The following PYCR1 variants were observed in gnomAD, a reference collection of about 807,000 sequenced individuals.
PYCR1 encodes pyrroline-5-carboxylate reductase 1, mitochondrial.
A neutral mutation model predicts 22.9 loss-of-function variants in PYCR1; 19 were observed. The observed-to-expected ratio is 0.83, with a 90% CI of 0.58 to 1.22. The LOEUF (loss-of-function observed/expected upper bound fraction) is 1.22. PYCR1 is among the 50% of genes most tolerant of loss of function. The probability of loss-of-function intolerance (pLI) is 0.00; values close to 1 mark genes in which losing one functional copy is unlikely to be tolerated. For missense variants in PYCR1, 429 were observed against 431.3 expected, an observed-to-expected ratio of 0.99 and a Z score of 0.05; for synonymous variants, 175 against 180.5, an observed-to-expected ratio of 0.97 and a Z score of 0.24.
chr17:81,936,635 C>T (rs2041203088), intron 1 of PYCR1, 113 bp downstream of exon 1: 3 of 1,210,978 alleles, frequency 2.5e-6, no homozygotes, highest in Middle Eastern at 2.4e-4. Context: ...TGCCAGTTCC[C>T]GCAGGACTCA....
intron 2 of PYCR1, 135 bp downstream of exon 2, chr17:81,935,988 G>T: frequency 1.1e-6 from 1 of 909,064 alleles, no homozygotes; most frequent in South Asian, 1.4e-5. Flanking sequence ...TCAGCAGGGC[G>T]AGGAGGTGGG....
At chr17:81,935,206 CCCA>C in intron 3 of PYCR1, 59 bp from the exon 4 acceptor site, 1 of 1,566,960 alleles carries the variant, frequency 6.4e-7, no homozygotes, top group Non-Finnish European at 8.7e-7. Flanking sequence ...ATGCACTCAC[CCCA>C]CCAAGCAGTG....
intron 6 of PYCR1, among the ~76,000 whole-genome samples, chr17:81,933,691 C>T (rs1025774819): frequency 6.6e-6 from 1 of 152,186 alleles, no homozygotes; most frequent in African/African-American, 2.4e-5. Context: ...CTCGTGTTCC[C>T]CTCACTGTTA....
rs148883988 is a variant in PYCR1, at chr17:81,935,067, G to A, written c.399C>T (p.Thr133=). ...NTPVVVREGA[T]VYATGTHAQV... Reference sequence around the variant, plus strand: ...GGGCGTGCGTGCCTGTGGCATACACGGTGGCCCCCTCCCGCACCACGACTG... The same window carrying A: ...GGGCGTGCGTGCCTGTGGCATACACAGTGGCCCCCTCCCGCACCACGACTG... The change falls in exon 4 of 7, where the codon ACC becomes ACT. Residue 133 remains threonine, a synonymous_variant. Coordinates refer to ENST00000329875, the MANE Select transcript of PYCR1 (RefSeq NM_006907.4). The A allele has an allele frequency of 8.3e-5, 134 of 1,610,616 alleles. No individual in the cohort carries two copies. Among genetic ancestry groups the A allele is most frequent in the African/African-American group, 8.3e-4 (62 of 75,008 alleles).
Position 81,936,810 on chromosome 17 carries a change from C to T in PYCR1, c.5G>A (p.Ser2Asn). 4 of 1,609,100 alleles carry T rather than the reference C, an allele frequency of 2.5e-6. No homozygotes were observed. The highest frequency in any genetic ancestry group is 3.4e-6 in the Non-Finnish European group (4 of 1,178,630). Residue 2 changes from serine to asparagine, a missense_variant, in exon 1 of 7, where the codon AGC becomes AAC. Ser to Asn is a conservative substitution (Grantham distance 46). Coordinates refer to ENST00000329875, the MANE Select transcript of PYCR1 (RefSeq NM_006907.4). M[S>N]VGFIGAGQLA... ...CTGGCCAGCGCCGATGAAGCCCACG[C>T]TCATGCTGTCCGGAGACCCCTGGCC...
chr17:81,935,957 C>A (rs1339967057), intron 2 of PYCR1, among the ~76,000 whole-genome samples, 166 bp downstream of exon 2: 2 of 152,226 alleles, frequency 1.3e-5, no homozygotes, highest in East Asian at 3.9e-4. Context: ...CACACGCCCA[C>A]CACCCAGGTC....
At chr17:81,935,172 T>C in intron 3 of PYCR1, 25 bp from the exon 4 acceptor site, 1 of 1,593,172 alleles carries the variant, frequency 6.3e-7, no homozygotes, top group Non-Finnish European at 8.5e-7. Context: ...AGCGTGTCCG[T>C]CTGGCCATGG....
rs954374271 is a variant in PYCR1, at chr17:81,932,771, C to A, written c.*443G>T. ...TGCCTGGACCCTCTGGCCCTTCTCACACGGGAAGGAGAGGTTTCTCCCTGA... is the reference window on the plus strand; with the variant it reads ...TGCCTGGACCCTCTGGCCCTTCTCAAACGGGAAGGAGAGGTTTCTCCCTGA... On this transcript the variant is annotated 3_prime_UTR_variant, in exon 7 of 7. Coordinates refer to ENST00000329875, the MANE Select transcript of PYCR1 (RefSeq NM_006907.4). 4 of 1,448,324 alleles carry A rather than the reference C, an allele frequency of 2.8e-6. No individual in the cohort carries two copies. The highest frequency in any genetic ancestry group is 3.9e-5 in the Admixed American group (2 of 50,788). The allele number at this position is 1,448,324 out of a possible 1,614,324, so 89.7% of individuals were successfully genotyped here.
chr17:81,935,601 C>G (rs2041165548), intron 2 of PYCR1, 85 bp from the exon 3 acceptor site: 1 of 1,122,096 alleles, frequency 8.9e-7, no homozygotes, highest in Non-Finnish European at 1.3e-6. Context: ...TAGAATGGCA[C>G]AGAGAATGCT....
chr17:81,933,187 G>A lies in PYCR1; in HGVS notation c.*27C>T. The A allele has an allele frequency of 6.2e-7, 1 of 1,613,104 alleles. No homozygotes were observed. The highest frequency in any genetic ancestry group is 8.5e-7 in the Non-Finnish European group (1 of 1,179,852). On this transcript the variant is annotated 3_prime_UTR_variant, in exon 7 of 7. Transcript: ENST00000329875. ...TAGTGACAAGAGAAGAGAAGGTGGT[G>A]GCAGGATGGTGGTCAGGCAGGACGT...
chr17:81,934,726 G>A lies in PYCR1; in HGVS notation c.560C>T (p.Ala187Val), dbSNP rs2041121512. The A allele has an allele frequency of 6.4e-7, 1 of 1,560,744 alleles. No individual in the cohort carries two copies. Among genetic ancestry groups the A allele is most frequent in the Non-Finnish European group, 8.7e-7 (1 of 1,153,002 alleles). ...GPAYAFTALD[A>V]LADGGVKMGL... ...CATCTTCACACCCCCATCAGCCAGG[G>A]CATCCAGGGCTGTGAATGCCTGTGG... The change falls in exon 5 of 7, where the codon GCC becomes GTC. Residue 187 changes from alanine (A) to valine (V), a missense_variant. Transcript: ENST00000329875.
rs201670221 is a variant in PYCR1, at chr17:81,932,907, C to A, written c.*307G>T. On this transcript the variant is annotated 3_prime_UTR_variant, in exon 7 of 7. Transcript: ENST00000329875. ...AGGAAGGAGCCCGTGCCAGCTGATA[C>A]TGGAGTAGGAGTGGGTGAAGACCCT... is the stretch of plus-strand genomic sequence containing the variant. 285 of 1,611,616 alleles carry A rather than the reference C, an allele frequency of 1.8e-4. No individual in the cohort carries two copies. The highest frequency in any genetic ancestry group is 5.0e-4 in the Middle Eastern group (3 of 6,054).
At chr17:81,936,321 G>C in intron 1 of PYCR1, 128 bp from the exon 2 acceptor site, 2 of 877,176 alleles carry the variant, frequency 2.3e-6, no homozygotes, top group African/African-American at 3.4e-5. Flanking sequence ...CACCTCCCGG[G>C]TTCACGCCAT....
intron 6 of PYCR1, 93 bp downstream of exon 6, chr17:81,934,233 T>G (rs2041087295): frequency 6.5e-7 from 1 of 1,545,340 alleles, no homozygotes; most frequent in African/African-American, 1.4e-5. Flanking sequence ...TCAATACGTA[T>G]CTGCTGAGTG....
At position 81,936,874 on chromosome 17, in the gene PYCR1, A is replaced by G. The variant is rs1410452161; in HGVS notation, c.-60T>C. 1 of 1,569,436 alleles carries G rather than the reference A, an allele frequency of 6.4e-7. No individual in the cohort carries two copies. Among genetic ancestry groups the G allele is most frequent in the Non-Finnish European group, 8.6e-7 (1 of 1,158,650 alleles). On this transcript the variant is annotated 5_prime_UTR_variant, in exon 1 of 7. Transcript: ENST00000329875. ...GATGGCACCGGCTCTGCGGGACGAG[A>G]CCGGCAGGATCGAGAGCAAGTTAGG...
Position 81,936,753 on chromosome 17 carries a change from G to T in PYCR1, c.62C>A (p.Ala21Glu). 6.2e-7 allele frequency: 1 copy of T among 1,608,316 alleles called. No homozygotes were observed. The highest frequency in any genetic ancestry group is 8.5e-7 in the Non-Finnish European group (1 of 1,178,256). ...TCCCCCACCTGGGGGCCTACCTGCT[G>T]CTGTGAAGCCCTTGGCCAGGGCAAA... The part of the protein sequence containing the change: ...LAFALAKGFT[A>E]AGVLAAHKIM... Residue 21 changes from alanine (A) to glutamate (E), a missense_variant, in exon 1 of 7, where the codon GCA becomes GAA. Ala to Glu is a moderately radical substitution (Grantham distance 107). Transcript: ENST00000329875.
In PYCR1 at chr17:81,935,285, G is replaced by A; in HGVS notation, c.318+52C>T. The A allele has an allele frequency of 3.1e-6, 5 of 1,603,380 alleles. 1 individual carries two copies. Among genetic ancestry groups the A allele is most frequent in the South Asian group, 2.2e-5 (2 of 90,652 alleles). ...GCAGATGAAAACTGAAGTACTGAGG[G>A]CCCGGGCTCTAGACAGCCCCTCTCC... is the stretch of plus-strand genomic sequence containing the variant. On this transcript the variant is annotated intron_variant, in intron 3 of 6. Coordinates refer to ENST00000329875, the MANE Select transcript of PYCR1 (RefSeq NM_006907.4).
At position 81,937,279 on chromosome 17, in the gene PYCR1, G is replaced by A. The variant is rs967472336; in HGVS notation, c.-465C>T. On this transcript the variant is annotated 5_prime_UTR_variant, in exon 1 of 7. Transcript: ENST00000329875. ...GTACCCACCCCTCAGCGCTGCGGCCGCCACGCGGCACCCGCACCCAGGCCC... is the reference window on the plus strand; with the variant it reads ...GTACCCACCCCTCAGCGCTGCGGCCACCACGCGGCACCCGCACCCAGGCCC... 8.5e-6 allele frequency: 10 copies of A among 1,175,644 alleles called. No homozygotes were observed. Among genetic ancestry groups the A allele is most frequent in the Non-Finnish European group, 1.1e-5 (10 of 930,732 alleles). 72.8% of individuals were successfully genotyped at this position (1,175,644 alleles called of 1,614,324 possible).
At chr17:81,936,401 A>G (rs2143899171) in intron 1 of PYCR1, among the ~76,000 whole-genome samples, 1 of 152,022 alleles carries the variant, frequency 6.6e-6, no homozygotes, top group Non-Finnish European at 1.5e-5. Flanking sequence ...AATTTTTGGT[A>G]TTTTTAGTAG....
Sources: gnomAD v4.1 joint callset for allele counts (sites outside exome capture counted in the v4.1 genomes callset) on GRCh38, gnomAD v4.1.1 for gene constraint, MANE v1.5 for transcripts, NCBI Gene and HGNC (gene_info 2026-07-23, HGNC 2026-07-21) for gene names.